The following ZDHHC11B variants were observed in gnomAD, a reference collection of about 807,000 sequenced individuals.
The protein encoded by ZDHHC11B is zDHHC palmitoyltransferase 11B (putative).
Under a neutral mutation model 42.3 loss-of-function variants are expected in ZDHHC11B, and 17 were observed. The observed-to-expected ratio is 0.40, with a 90% CI of 0.27 to 0.60. The LOEUF is 0.60. Among genes scored for constraint, ZDHHC11B ranks in the 20% least tolerant of loss-of-function variants. The pLI is 0.41. For synonymous variants in ZDHHC11B, 123 were observed against 193.5 expected, an observed-to-expected ratio of 0.64 and a Z score of 3.02; for missense variants, 262 against 463.2, an observed-to-expected ratio of 0.57 and a Z score of 3.99.
chr5:780,929 C>T (rs1561208598), intron 1 of ZDHHC11B, among the ~76,000 whole-genome samples: 2 of 150,230 alleles, frequency 1.3e-5, no homozygotes, highest in Admixed American at 6.7e-5. Flanking sequence ...CCACGGTGGC[C>T]AGGTTACCTG....
At chr5:713,666 T>A (rs1741530734) in intron 13 of ZDHHC11B, among the ~76,000 whole-genome samples, 2 of 152,024 alleles carry the variant, frequency 1.3e-5, no homozygotes, top group South Asian at 4.1e-4. Context: ...TGGGGACTTT[T>A]GGTCACCCAC....
In ZDHHC11B at chr5:736,468, G is replaced by T. The variant is rs1456394093; in HGVS notation, c.936-2629C>A. Among the ~76,000 whole-genome samples the T allele has an allele frequency of 1.3e-5, 2 of 149,590 alleles. 1 individual carries two copies. The highest frequency in any genetic ancestry group is 3.0e-5 in the Non-Finnish European group (2 of 67,706). The stretch of plus-strand genomic sequence containing the variant: ...CTTAAACTATATCCTAGAACAAAAG[G>T]ACTTGACAGATATTTACAGAACATT... On this transcript the variant is annotated intron_variant, in intron 10 of 13. Transcript: ENST00000508859.
At chr5:778,567 C>A (rs1398076697) in intron 1 of ZDHHC11B, among the ~76,000 whole-genome samples, 1 of 151,844 alleles carries the variant, frequency 6.6e-6, no homozygotes, top group Non-Finnish European at 1.5e-5. Context: ...CCAGCCCACT[C>A]ACTGCCCTTG....
chr5:778,542 C>T (rs1241864075), intron 1 of ZDHHC11B, among the ~76,000 whole-genome samples: 1 of 151,706 alleles, frequency 6.6e-6, no homozygotes, highest in Non-Finnish European at 1.5e-5. Flanking sequence ...CACGAGGACC[C>T]TGCCCTGCCC....
intron 1 of ZDHHC11B, among the ~76,000 whole-genome samples, chr5:780,469 T>G (rs1736879968): frequency 2.0e-5 from 3 of 150,934 alleles, no homozygotes; most frequent in Admixed American, 1.3e-4. Context: ...ACACTATTGA[T>G]CCACGTTAGC....
intron 1 of ZDHHC11B, among the ~76,000 whole-genome samples, chr5:772,008 G>A (rs1736101354): frequency 6.6e-6 from 1 of 151,902 alleles, no homozygotes; most frequent in Non-Finnish European, 1.5e-5. Flanking sequence ...AAGCTTGGAG[G>A]TTGGCCTTGG....
At chr5:759,953 G>A (rs1195611096) in intron 4 of ZDHHC11B, among the ~76,000 whole-genome samples, 1 of 151,912 alleles carries the variant, frequency 6.6e-6, no homozygotes, top group Non-Finnish European at 1.5e-5. Flanking sequence ...CAGGCATGGG[G>A]AGTGCAGCCG....
chr5:778,308 G>T (rs1387834692), intron 1 of ZDHHC11B, among the ~76,000 whole-genome samples: 4 of 151,578 alleles, frequency 2.6e-5, no homozygotes, highest in African/African-American at 9.7e-5. Flanking sequence ...GGCGGCTGCA[G>T]ATGCGGTGGG....
chr5:743,313 T>C (rs745430544), intron 9 of ZDHHC11B, among the ~76,000 whole-genome samples: 2 of 149,538 alleles, frequency 1.3e-5, no homozygotes, highest in African/African-American at 4.9e-5. Flanking sequence ...TACAGCTTTA[T>C]AGTAACATTT....
intron 12 of ZDHHC11B, among the ~76,000 whole-genome samples, chr5:722,402 C>T (rs1742257652): frequency 6.6e-6 from 1 of 151,470 alleles, no homozygotes; most frequent in Admixed American, 6.6e-5. Context: ...GGGACATGAG[C>T]AAGTGCTTCA....
chr5:766,761 G>T lies in ZDHHC11B; in HGVS notation c.159C>A (p.Ser53=). 1 of 1,612,448 alleles carries T rather than the reference G, an allele frequency of 6.2e-7. No homozygotes were observed. Among genetic ancestry groups the T allele is most frequent in the Non-Finnish European group, 8.5e-7 (1 of 1,179,130 alleles). ...GAATGAAGATCCTGAAGGTGGCCAAGGAAAGGCCAACGAAGACAGCCCAAG... is the reference window on the plus strand; with the variant it reads ...GAATGAAGATCCTGAAGGTGGCCAATGAAAGGCCAACGAAGACAGCCCAAG... ...VVTWAVFVGL[S]LATFRIFIPL... The change falls in exon 4 of 14, where the codon TCC becomes TCA. Residue 53 remains serine (S), a synonymous_variant. Coordinates refer to ENST00000508859, the MANE Select transcript of ZDHHC11B (RefSeq NM_001351303.2).
chr5:753,878 C>A (rs1242940343), intron 6 of ZDHHC11B, among the ~76,000 whole-genome samples: 1 of 146,314 alleles, frequency 6.8e-6, no homozygotes, highest in Non-Finnish European at 1.5e-5. Flanking sequence ...CACACCAAGG[C>A]CTCTTTCAGG....
At position 777,539 on chromosome 5, in the gene ZDHHC11B, T is replaced by A. The variant is rs376541352; in HGVS notation, c.-230+7129A>T. 1.3e-4 allele frequency among the ~76,000 whole-genome samples: 20 copies of A among 151,862 alleles called. 1 individual carries two copies. Among genetic ancestry groups the A allele is most frequent in the Admixed American group, 1.3e-3 (20 of 15,224 alleles). ...AAACTTTCCACAGCGGAGAAGAGAA[T>A]GGAGTCAGGTTGCGGCAGGGCGTTC... On this transcript the variant is annotated intron_variant, in intron 1 of 13. Coordinates refer to ENST00000508859, the MANE Select transcript of ZDHHC11B (RefSeq NM_001351303.2).
chr5:751,961 C>T (rs1245895830), intron 6 of ZDHHC11B, among the ~76,000 whole-genome samples: 1 of 120,518 alleles, frequency 8.3e-6, no homozygotes, highest in Non-Finnish European at 1.8e-5. Context: ...AGCCTACCAG[C>T]GGAGCATGAG....
chr5:723,465 C>T (rs1482598347), intron 12 of ZDHHC11B, among the ~76,000 whole-genome samples: 27 of 122,514 alleles, frequency 2.2e-4, no homozygotes, highest in East Asian at 6.3e-4. Flanking sequence ...GGCCCAGAAA[C>T]GAGGTCTGTC....
intron 4 of ZDHHC11B, among the ~76,000 whole-genome samples, chr5:762,377 A>G (rs1288873749): frequency 6.6e-6 from 1 of 151,918 alleles, no homozygotes; most frequent in Non-Finnish European, 1.5e-5. Context: ...GGATGAGTGT[A>G]TGCCACAGTC....
chr5:720,251 G>A lies in ZDHHC11B; in HGVS notation c.1059-3386C>T, dbSNP rs71593338. Among the ~76,000 whole-genome samples the A allele has an allele frequency of 5.3e-3, 798 of 151,924 alleles. 15 individuals carry two copies. Among genetic ancestry groups the A allele is most frequent in the Non-Finnish European group, 7.6e-3 (518 of 67,960 alleles). On this transcript the variant is annotated intron_variant, in intron 12 of 13. Transcript: ENST00000508859. The stretch of plus-strand genomic sequence containing the variant: ...GTTAGATTGTCAAGGCATAGACAAC[G>A]AGAGAATTTTGAAGGCAGGCAGAGA...
At position 759,847 on chromosome 5, in the gene ZDHHC11B, G is replaced by A. The variant is rs1029646729; in HGVS notation, c.223-3703C>T. Among the ~76,000 whole-genome samples, 7 of 151,974 alleles carry A rather than the reference G, an allele frequency of 4.6e-5. 1 individual carries two copies. The highest frequency in any genetic ancestry group is 8.8e-5 in the Non-Finnish European group (6 of 67,892). ...GAGGTCACTTCCCAGAGCCGCCCGGGTCCCTGCAGGTGCCGGATAGCACAG... is the reference window on the plus strand; with the variant it reads ...GAGGTCACTTCCCAGAGCCGCCCGGATCCCTGCAGGTGCCGGATAGCACAG... On this transcript the variant is annotated intron_variant, in intron 4 of 13. Transcript: ENST00000508859.
rs1366642306 is a variant in ZDHHC11B, at chr5:736,484, A to G, written c.936-2645T>C. On this transcript the variant is annotated intron_variant, in intron 10 of 13. Transcript: ENST00000508859. Reference sequence around the variant, plus strand: ...GAACAAAAGGACTTGACAGATATTTACAGAACATTCTACCCAACAGCTGCA... The same window carrying G: ...GAACAAAAGGACTTGACAGATATTTGCAGAACATTCTACCCAACAGCTGCA... 4.4e-4 allele frequency among the ~76,000 whole-genome samples: 66 copies of G among 149,768 alleles called. 4 individuals are homozygous for G. The highest frequency in any genetic ancestry group is 8.1e-4 in the Non-Finnish European group (55 of 67,722).
Sources: allele counts gnomAD v4.1 joint callset (sites outside exome capture counted in the v4.1 genomes callset), GRCh38; gene constraint gnomAD v4.1.1; transcripts MANE v1.5; gene names NCBI Gene and HGNC (gene_info 2026-07-23, HGNC 2026-07-21).